Variants in USP34 observed in about 807,000 individuals in gnomAD.
USP34 encodes the protein ubiquitin carboxyl-terminal hydrolase 34.
USP34 carries 70 observed loss-of-function variants against 460.3 expected under a neutral mutation model. That is an observed-to-expected ratio of 0.15 (90% CI 0.13 to 0.19). The LOEUF (loss-of-function observed/expected upper bound fraction) is 0.19, where lower values mean the gene tolerates loss of function less well. Among genes scored for constraint, USP34 ranks in the 10% least tolerant of loss-of-function variants. The pLI is 1.00. For synonymous variants in USP34, 1,647 were observed against 1,405.3 expected (o/e 1.17, Z -3.85); for missense variants, 3,985 against 4,236.2 (o/e 0.94, Z 1.65).
At chr2:61,401,257 TCTA>T (rs906568909) in intron 3 of USP34, among the ~76,000 whole-genome samples, 9 of 152,082 alleles carry the variant, frequency 5.9e-5, no homozygotes, top group African/African-American at 1.4e-4. Flanking sequence ...TTCTCTCCTT[TCTA>T]CTTTTTTAAA....
rs961035064 is a variant in USP34 at position 61,457,228 on chromosome 2, A to G, written c.43+13422T>C. Among the ~76,000 whole-genome samples the G allele has an allele frequency of 3.9e-4, 59 of 152,330 alleles. 1 individual carries two copies. Among genetic ancestry groups the G allele is most frequent in the African/African-American group, 1.4e-3 (59 of 41,586 alleles). On this transcript the variant is annotated intron_variant, in intron 1 of 79. Coordinates refer to ENST00000398571, the MANE Select transcript of USP34 (RefSeq NM_014709.4). ...GAGGTCAAGACTACAGTGAGCCGTG[A>G]TCGTGCCACTGCACTCTAGACTGGG... is the stretch of plus-strand genomic sequence containing the variant.
At chr2:61,205,765 G>A (rs903136050) in intron 72 of USP34, among the ~76,000 whole-genome samples, 2 of 152,186 alleles carry the variant, frequency 1.3e-5, no homozygotes, top group Non-Finnish European at 2.9e-5. Context: ...TTTTAGAGCT[G>A]GAGGAAGCTA....
rs1478691160 is a variant in USP34, at chr2:61,189,064, C to T, written c.9879G>A (p.Leu3293=). The stretch of plus-strand genomic sequence containing the variant: ...CTGACAGGAGCAAAGCGAGTGCCCT[C>T]AGGTCCTACAAAAACCCAGATAGGA... ...SKASASLNGD[L]RALALLLSVH... The change falls in exon 79 of 80, where the codon CTG becomes CTA. Residue 3293 remains leucine, a synonymous_variant. Coordinates refer to ENST00000398571, the MANE Select transcript of USP34 (RefSeq NM_014709.4). 13 of 1,610,254 alleles carry T rather than the reference C, an allele frequency of 8.1e-6. No homozygotes were observed. The highest frequency in any genetic ancestry group is 1.1e-5 in the Non-Finnish European group (13 of 1,178,936).
At position 61,348,212 on chromosome 2, in the gene USP34, T is replaced by C. The variant is rs779946269; in HGVS notation, c.1943A>G (p.Glu648Gly). Reference sequence around the variant, plus strand: ...CCCCAGGCAAATGCCTGCTTGACTCTCTAACTTTCTATTCCGAAGATCTGT... The same window carrying C: ...CCCCAGGCAAATGCCTGCTTGACTCCCTAACTTTCTATTCCGAAGATCTGT... ...CGTDLRNRKL[E>G]SQAGICLGDS... The change falls in exon 15 of 80, where the codon GAG (glutamate) becomes GGG (glycine). Residue 648 changes from glutamate (E) to glycine (G), a missense_variant. Around this residue, in one of 14 missense-constraint regions of USP34, gnomAD observed 716 missense variants for 626.2 expected, o/e 1.14. Transcript: ENST00000398571. 42 of 1,614,108 alleles carry C rather than the reference T, an allele frequency of 2.6e-5. No individual in the cohort carries two copies. The East Asian group carries it at 8.9e-4, about 34-fold the overall frequency.
intron 57 of USP34, 133 bp downstream of exon 57, chr2:61,235,712 A>C: frequency 1.3e-6 from 1 of 755,046 alleles, no homozygotes; most frequent in Non-Finnish European, 2.1e-6. Flanking sequence ...TCAGCTACCA[A>C]ATGATTTTAA....
At chr2:61,432,620 T>G (rs2104000951) in intron 1 of USP34, among the ~76,000 whole-genome samples, 1 of 152,174 alleles carries the variant, frequency 6.6e-6, no homozygotes, top group East Asian at 1.9e-4. Flanking sequence ...CTTTAAAATT[T>G]TTAAATGCTA....
intron 67 of USP34, among the ~76,000 whole-genome samples, chr2:61,215,740 A>G (rs920892628): frequency 3.9e-5 from 6 of 152,234 alleles, no homozygotes; most frequent in African/African-American, 1.4e-4. Context: ...AAACAATAAT[A>G]GTAATAACTA....
chr2:61,444,460 A>T (rs778694626), intron 1 of USP34, among the ~76,000 whole-genome samples: 1 of 152,146 alleles, frequency 6.6e-6, no homozygotes, highest in Non-Finnish European at 1.5e-5. Flanking sequence ...GAGAGAAGGA[A>T]GATCAAAAGG....
At chr2:61,467,994 G>T (rs1044284418) in intron 1 of USP34, among the ~76,000 whole-genome samples, 1 of 151,894 alleles carries the variant, frequency 6.6e-6, no homozygotes, top group African/African-American at 2.4e-5. Context: ...GCGGGAAAAG[G>T]GCAGACTTTA....
intron 75 of USP34, among the ~76,000 whole-genome samples, chr2:61,196,208 G>C (rs933945101): frequency 6.8e-6 from 1 of 146,854 alleles, no homozygotes; most frequent in African/African-American, 2.5e-5. Context: ...AGCATCCCAA[G>C]TAGCTGGGAC....
chr2:61,251,558 T>C (rs1446046969), intron 48 of USP34, among the ~76,000 whole-genome samples: 1 of 152,230 alleles, frequency 6.6e-6, no homozygotes, highest in Non-Finnish European at 1.5e-5. Context: ...AAGGTCTTCA[T>C]CCTCTGATTA....
intron 27 of USP34, among the ~76,000 whole-genome samples, chr2:61,309,498 T>A (rs1690519756): frequency 6.6e-6 from 1 of 152,206 alleles, no homozygotes; most frequent in African/African-American, 2.4e-5. Context: ...TTGAGGGTTA[T>A]CATGACCAAG....
At chr2:61,272,227 T>C (rs943402139) in intron 41 of USP34, among the ~76,000 whole-genome samples, 3 of 151,958 alleles carry the variant, frequency 2.0e-5, no homozygotes, top group South Asian at 2.1e-4. Context: ...CTGGCTAACA[T>C]GGTGAAACCC....
At chr2:61,467,218 G>A (rs2104121737) in intron 1 of USP34, among the ~76,000 whole-genome samples, 1 of 152,138 alleles carries the variant, frequency 6.6e-6, no homozygotes, top group East Asian at 1.9e-4. Context: ...CAGGAGAATT[G>A]CTGAACCCAG....
At chr2:61,405,412 CTATTATT>C (rs1693841564) in intron 3 of USP34, among the ~76,000 whole-genome samples, 1 of 151,912 alleles carries the variant, frequency 6.6e-6, no homozygotes, top group Non-Finnish European at 1.5e-5. Context: ...TTTCCCTCAA[CTATTATT>C]TATTAAGAGT....
At chr2:61,375,237 G>A (rs552209436) in intron 8 of USP34, among the ~76,000 whole-genome samples, 6 of 152,212 alleles carry the variant, frequency 3.9e-5, no homozygotes, top group Admixed American at 3.9e-4. Flanking sequence ...AATAAATCTA[G>A]ATAATAACAA....
In USP34 at chr2:61,214,617, T is replaced by C. The variant is rs1358509895; in HGVS notation, c.8125A>G (p.Ile2709Val). 3 of 1,614,110 alleles carry C rather than the reference T, an allele frequency of 1.9e-6. No homozygotes were observed. Among genetic ancestry groups the C allele is most frequent in the South Asian group, 1.1e-5 (1 of 91,086 alleles). Residue 2709 changes from isoleucine to valine, a missense_variant, in exon 68 of 80, where the codon ATC becomes GTC. This residue lies in a region of USP34 where 604 missense variants were observed against 684.8 expected (regional missense o/e 0.88). Transcript: ENST00000398571. ...QMFRSTRSLHIPTRDLPLSPD... is the reference protein window; with the variant it reads ...QMFRSTRSLHVPTRDLPLSPD... ...CTGAGTGGAAGGTCACGGGTTGGGA[T>C]GTGCAAAGACCTTGTTGACCGGAAC... is the stretch of plus-strand genomic sequence containing the variant.
intron 53 of USP34, among the ~76,000 whole-genome samples, chr2:61,237,633 T>C (rs1688108273): frequency 7.3e-6 from 1 of 136,238 alleles, no homozygotes; most frequent in Admixed American, 8.1e-5. Flanking sequence ...AGCAGCATGA[T>C]CACAGCTCAC....
At chr2:61,218,182 T>A (rs1205106371) in intron 67 of USP34, among the ~76,000 whole-genome samples, 5 of 150,330 alleles carry the variant, frequency 3.3e-5, no homozygotes, top group Admixed American at 3.3e-4. Context: ...TTTTTGTTGG[T>A]TTTACGGTCA....
Sources: allele counts gnomAD v4.1 joint callset (sites outside exome capture counted in the v4.1 genomes callset), GRCh38; gene constraint gnomAD v4.1.1; regional missense constraint gnomAD v4.1.1; transcripts MANE v1.5; gene names NCBI Gene and HGNC (gene_info 2026-07-23, HGNC 2026-07-21).